Variants in RSF1 observed in about 807,000 individuals in gnomAD.
RSF1 encodes HBV pX-associated protein 8.
In RSF1, 13 loss-of-function variants were observed where a neutral mutation model predicts 145.2. That is an observed-to-expected ratio of 0.09 (90% CI 0.06 to 0.14). The LOEUF is 0.14. RSF1 is among the 10% of genes least tolerant of loss of function. The pLI, the probability that RSF1 is intolerant of heterozygous loss-of-function variation, is 1.00. For synonymous variants in RSF1, 577 were observed against 592.6 expected, an observed-to-expected ratio of 0.97 and a Z score of 0.38; for missense variants, 1,517 against 1,718.2, an observed-to-expected ratio of 0.88 and a Z score of 2.07.
chr11:77,810,247 G>C (rs1948717280), intron 1 of RSF1, among the ~76,000 whole-genome samples: 1 of 152,154 alleles, frequency 6.6e-6, no homozygotes, highest in Admixed American at 6.5e-5. Context: ...GGCCAGTATA[G>C]CAGCAATGTT....
chr11:77,835,148 A>G, the RSF1 span, among the ~76,000 whole-genome samples: 2 of 152,240 alleles, frequency 1.3e-5, no homozygotes, highest in South Asian at 4.1e-4. Context: ...GTGTGACCAC[A>G]TGACTGTATT....
At chr11:77,794,101 A>G (rs1948548799) in intron 1 of RSF1, among the ~76,000 whole-genome samples, 1 of 152,200 alleles carries the variant, frequency 6.6e-6, no homozygotes, top group African/African-American at 2.4e-5. Flanking sequence ...GGACTTCAAC[A>G]TTCCACTGTT....
At chr11:77,771,050 ATTCT>A (rs1948279924) in intron 1 of RSF1, among the ~76,000 whole-genome samples, 1 of 152,202 alleles carries the variant, frequency 6.6e-6, no homozygotes, top group Non-Finnish European at 1.5e-5. Context: ...CCCTCTTTCT[ATTCT>A]TTCTAACTCA....
chr11:77,727,534 T>A (rs1261842496), intron 4 of RSF1, among the ~76,000 whole-genome samples: 2 of 137,526 alleles, frequency 1.5e-5, no homozygotes, highest in Non-Finnish European at 3.0e-5. Flanking sequence ...TGGAGTGCAA[T>A]GGCAGGATCT....
At chr11:77,861,704 C>T in the RSF1 span, among the ~76,000 whole-genome samples, 1 of 152,156 alleles carries the variant, frequency 6.6e-6, no homozygotes, top group Non-Finnish European at 1.5e-5. Flanking sequence ...GGAAGCAAGC[C>T]CTATTAGGCA....
At chr11:77,833,897 C>G in the RSF1 span, among the ~76,000 whole-genome samples, 1,781 of 152,070 alleles carry the variant, frequency 0.012, 33 homozygotes, top group African/African-American at 0.04. Context: ...TTTATTCTGC[C>G]AGCTCTTAGC....
intron 3 of RSF1, among the ~76,000 whole-genome samples, chr11:77,742,032 T>G (rs1199566722): frequency 1.3e-5 from 2 of 152,236 alleles, no homozygotes; most frequent in East Asian, 1.9e-4. Flanking sequence ...TTCTTTTCAT[T>G]TTACATTCTT....
chr11:77,711,740 C>A (rs370251578), intron 5 of RSF1, among the ~76,000 whole-genome samples: 52 of 152,112 alleles, frequency 3.4e-4, no homozygotes, highest in Non-Finnish European at 7.2e-4. Flanking sequence ...TAAGAACTTA[C>A]GTAACTAGAG....
intron 9 of RSF1, among the ~76,000 whole-genome samples, chr11:77,686,020 G>A (rs1337370876): frequency 1.3e-5 from 2 of 152,130 alleles, no homozygotes; most frequent in African/African-American, 2.4e-5. Flanking sequence ...GGCCACAGCT[G>A]AAGATAACTA....
intron 5 of RSF1, among the ~76,000 whole-genome samples, chr11:77,716,595 T>C (rs1960814681): frequency 6.6e-6 from 1 of 152,078 alleles, no homozygotes; most frequent in Non-Finnish European, 1.5e-5. Flanking sequence ...AGTAGAATAG[T>C]GGTTATGAGG....
At chr11:77,808,240 A>G (rs1259489029) in intron 1 of RSF1, among the ~76,000 whole-genome samples, 2 of 152,004 alleles carry the variant, frequency 1.3e-5, no homozygotes, top group African/African-American at 4.8e-5. Context: ...AGGCTGAGGC[A>G]GGAGAATCAC....
At chr11:77,670,333 CTTCTTT>C (rs559056845) in intron 15 of RSF1, among the ~76,000 whole-genome samples, 336 of 152,266 alleles carry the variant, frequency 2.2e-3, no homozygotes, top group Non-Finnish European at 3.7e-3. Context: ...CTGTATCATT[CTTCTTT>C]TAGATAAGTG....
chr11:77,734,553 C>A (rs1335967443), intron 4 of RSF1: 2 of 1,557,216 alleles, frequency 1.3e-6, no homozygotes, highest in Admixed American at 1.7e-5. Context: ...GTGCTCCCAT[C>A]TTGTGCAAGT....
intron 1 of RSF1, among the ~76,000 whole-genome samples, chr11:77,789,986 C>T (rs960056636): frequency 2.6e-5 from 4 of 152,162 alleles, no homozygotes; most frequent in Admixed American, 2.0e-4. Flanking sequence ...TCACAGCCAC[C>T]GCCAACACCA....
At chr11:77,753,215 C>A (rs1424968794) in intron 2 of RSF1, among the ~76,000 whole-genome samples, 1 of 152,188 alleles carries the variant, frequency 6.6e-6, no homozygotes, top group Non-Finnish European at 1.5e-5. Flanking sequence ...GCTCCAAGAA[C>A]ACTCTCTTGG....
chr11:77,718,688 C>CCA (rs752054163), intron 5 of RSF1, among the ~76,000 whole-genome samples: 27 of 152,118 alleles, frequency 1.8e-4, no homozygotes, highest in Non-Finnish European at 2.4e-4. Flanking sequence ...AGCTTTTTCT[C>CCA]CACACACACA....
intron 1 of RSF1, among the ~76,000 whole-genome samples, chr11:77,818,156 A>G (rs1182090469): frequency 3.3e-5 from 5 of 152,190 alleles, no homozygotes; most frequent in Admixed American, 1.3e-4. Context: ...AGCCCAGGTT[A>G]CCTGTCATTT....
At chr11:77,709,489 A>G (rs1039866934) in intron 5 of RSF1, among the ~76,000 whole-genome samples, 2 of 152,176 alleles carry the variant, frequency 1.3e-5, no homozygotes, top group Non-Finnish European at 2.9e-5. Context: ...ACCTGTGTCT[A>G]AGAGTATATG....
At chr11:77,759,315 G>A (rs1441582237) in intron 2 of RSF1, among the ~76,000 whole-genome samples, 1 of 151,938 alleles carries the variant, frequency 6.6e-6, no homozygotes, top group African/African-American at 2.4e-5. Flanking sequence ...GTTTGAGATC[G>A]GCCTGGGCAA....
Sources: gnomAD v4.1 joint callset for allele counts (sites outside exome capture counted in the v4.1 genomes callset) on GRCh38, gnomAD v4.1.1 for gene constraint, MANE v1.5 for transcripts, NCBI Gene and HGNC (gene_info 2026-07-23, HGNC 2026-07-21) for gene names.